NUP210: variants seen among roughly 807,000 people sequenced by gnomAD.
NUP210 encodes nucleoporin 210.
In NUP210, 151 loss-of-function variants were observed where a neutral mutation model predicts 196.0. That is an observed-to-expected ratio of 0.77 (90% CI 0.67 to 0.88). The LOEUF (loss-of-function observed/expected upper bound fraction) is 0.88. Among genes scored for constraint, NUP210 ranks in the 40% least tolerant of loss-of-function variants. The pLI, the probability that NUP210 is intolerant of heterozygous loss-of-function variation, is 0.00. For synonymous variants in NUP210, 1,070 were observed against 1,052.7 expected (o/e 1.02, Z -0.32); for missense variants, 2,314 against 2,493.7 (o/e 0.93, Z 1.53).
intron 14 of NUP210, among the ~76,000 whole-genome samples, chr3:13,365,717 C>T (rs1476844892): frequency 2.0e-5 from 3 of 152,224 alleles, no homozygotes; most frequent in Non-Finnish European, 2.9e-5. Flanking sequence ...GCCTGCCAAG[C>T]GCTGTCTCGC....
rs1698522388 is a variant in NUP210 at position 13,366,075 on chromosome 3, G to A, written c.1803C>T (p.Gly601=). The A allele has an allele frequency of 6.2e-7, 1 of 1,613,886 alleles. No homozygotes were observed. Among genetic ancestry groups the A allele is most frequent in the African/African-American group, 1.3e-5 (1 of 75,060 alleles). The change falls in exon 14 of 40, where the codon GGC becomes GGT. Residue 601 remains glycine (G), a synonymous_variant. Coordinates refer to ENST00000254508, the MANE Select transcript of NUP210 (RefSeq NM_024923.4). ...CCCGGATGCCGCTGCAGTGCTCAGA[G>A]CCTGGCGGCAGCCTCCCTACAGAAA... is the stretch of plus-strand genomic sequence containing the variant. ...FQPLPGRLPP[G]SEHCSGIRVK...
chr3:13,318,317 C>T (rs1399014643), intron 39 of NUP210, among the ~76,000 whole-genome samples: 1 of 152,164 alleles, frequency 6.6e-6, no homozygotes, highest in Non-Finnish European at 1.5e-5. Flanking sequence ...CCCCTGGGTG[C>T]CGCTTTGCAG....
At chr3:13,395,764 C>T (rs1480300406) in intron 3 of NUP210, among the ~76,000 whole-genome samples, 3 of 152,178 alleles carry the variant, frequency 2.0e-5, no homozygotes, top group Non-Finnish European at 2.9e-5. Flanking sequence ...CACATGTGAA[C>T]ATGTGTTTTC....
At chr3:13,318,349 A>C (rs1696359411) in intron 39 of NUP210, among the ~76,000 whole-genome samples, 1 of 152,184 alleles carries the variant, frequency 6.6e-6, no homozygotes, top group Non-Finnish European at 1.5e-5. Flanking sequence ...GTCAGGCAGA[A>C]GACAAGGGCG....
At chr3:13,409,902 T>C (rs1024855797) in intron 1 of NUP210, among the ~76,000 whole-genome samples, 2 of 151,548 alleles carry the variant, frequency 1.3e-5, no homozygotes, top group African/African-American at 4.9e-5. Flanking sequence ...AGTGGTACGA[T>C]CTAGGCTCGC....
At chr3:13,406,918 A>G (rs1323961366) in intron 1 of NUP210, among the ~76,000 whole-genome samples, 1 of 129,338 alleles carries the variant, frequency 7.7e-6, no homozygotes, top group Non-Finnish European at 1.5e-5. Context: ...GGGACCCCTC[A>G]TGTAGTGCAG....
In NUP210 at chr3:13,378,907, C is replaced by T; in HGVS notation, c.1045+5G>A. On this transcript the variant is annotated splice_donor_5th_base_variant and intron_variant, in intron 8 of 39. Transcript: ENST00000254508. Reference sequence around the variant, plus strand: ...TCCATGAGGGCCCAGGAGGCCCACACTCACCTAGGTATCCAGGTTCGACCA... The same window carrying T: ...TCCATGAGGGCCCAGGAGGCCCACATTCACCTAGGTATCCAGGTTCGACCA... 1 of 1,611,186 alleles carries T rather than the reference C, an allele frequency of 6.2e-7. No homozygotes were observed. Among genetic ancestry groups the T allele is most frequent in the Non-Finnish European group, 8.5e-7 (1 of 1,177,322 alleles).
At chr3:13,354,156 T>C (rs1698085626) in intron 16 of NUP210, 49 bp from the exon 17 acceptor site, 3 of 1,499,848 alleles carry the variant, frequency 2.0e-6, no homozygotes, top group Non-Finnish European at 2.7e-6. Context: ...GGACTGGACC[T>C]GGACACTGAC....
In NUP210 at chr3:13,420,266, G is replaced by C; in HGVS notation, c.-40C>G. 1 of 1,045,556 alleles carries C rather than the reference G, an allele frequency of 9.6e-7. No homozygotes were observed. The highest frequency in any genetic ancestry group is 1.1e-6 in the Non-Finnish European group (1 of 869,978). 64.8% of individuals were successfully genotyped at this position (1,045,556 alleles called of 1,614,324 possible). On this transcript the variant is annotated 5_prime_UTR_variant, in exon 1 of 40. Coordinates refer to ENST00000254508, the MANE Select transcript of NUP210 (RefSeq NM_024923.4). The surrounding 1 kb of genome is among the most constrained non-coding windows in gnomAD (Gnocchi z 4.8). Reference sequence around the variant, plus strand: ...ACCTCCCGCGACCCTGCGCCCGGCCGCCCGCGCCGCCCCGTTGCCCTCCGC... The same window carrying C: ...ACCTCCCGCGACCCTGCGCCCGGCCCCCCGCGCCGCCCCGTTGCCCTCCGC...
intron 1 of NUP210, among the ~76,000 whole-genome samples, chr3:13,405,419 T>C (rs1699973290): frequency 6.6e-6 from 1 of 152,180 alleles, no homozygotes; most frequent in Non-Finnish European, 1.5e-5. Flanking sequence ...TCCAGCTGAA[T>C]GCAGCTCTTA....
intron 1 of NUP210, among the ~76,000 whole-genome samples, chr3:13,408,702 C>T (rs560519076): frequency 1.2e-4 from 18 of 150,438 alleles, no homozygotes; most frequent in African/African-American, 3.9e-4. Context: ...GCAGGAGAAT[C>T]GCTTGAACTC....
Position 13,340,591 on chromosome 3 carries a change from T to C in NUP210, c.3229-293A>G, listed in dbSNP as rs1697435661. Among the ~76,000 whole-genome samples the C allele has an allele frequency of 6.6e-6, 1 of 152,216 alleles. No individual in the cohort carries two copies. The highest frequency in any genetic ancestry group is 2.1e-4 in the South Asian group (1 of 4,836). On this transcript the variant is annotated intron_variant, in intron 23 of 39. Coordinates refer to ENST00000254508, the MANE Select transcript of NUP210 (RefSeq NM_024923.4). The surrounding 1 kb of genome is among the most constrained non-coding windows in gnomAD (Gnocchi z 4.0). ...CGTCCCCTTGGAGGGATGGCTTTTA[T>C]GCAGTTGAGCCATCCCCTTAGAGCA...
At position 13,350,692 on chromosome 3, in the gene NUP210, CTT is replaced by C. The variant is rs59291391; in HGVS notation, c.2835+1185_2835+1186del. On this transcript the variant is annotated intron_variant, in intron 20 of 39. Transcript: ENST00000254508. The surrounding 1 kb of genome is among the most constrained non-coding windows in gnomAD (Gnocchi z 4.1). ...AGTTACAGGAAAAAAAATAGAAATT[CTT>C]TTTTTTTTTTTTTTTTTGAGATGGA... 3.1e-4 allele frequency among the ~76,000 whole-genome samples: 41 copies of C among 131,450 alleles called. No homozygotes were observed. The highest frequency in any genetic ancestry group is 3.9e-4 in the African/African-American group (14 of 35,518). The allele number at this position is 131,450 out of a possible 152,430, so 86.2% of individuals were successfully genotyped here.
At chr3:13,339,520 G>A (rs1397997840) in intron 25 of NUP210, among the ~76,000 whole-genome samples, 1 of 152,238 alleles carries the variant, frequency 6.6e-6, no homozygotes, top group Non-Finnish European at 1.5e-5. Flanking sequence ...GGAGATGAAG[G>A]CAAAGTGCTC....
chr3:13,403,337 T>C (rs576515225), intron 1 of NUP210, among the ~76,000 whole-genome samples: 1 of 152,300 alleles, frequency 6.6e-6, no homozygotes, highest in East Asian at 1.9e-4. Context: ...ATGCCTGCTG[T>C]CTTCCCACTG....
rs138571563 is a variant in NUP210 at position 13,330,200 on chromosome 3, C to T, written c.4110+260G>A. Among the ~76,000 whole-genome samples, 41 of 152,336 alleles carry T rather than the reference C, an allele frequency of 2.7e-4. 1 individual carries two copies. The highest frequency in any genetic ancestry group is 7.7e-4 in the African/African-American group (32 of 41,584). On this transcript the variant is annotated intron_variant, in intron 30 of 39. Transcript: ENST00000254508. ...TGCCAGTCCCAGCTCTGTAACCTTA[C>T]GCCAATCATGGACCTTGCTGGGCCT...
At chr3:13,329,348 G>A (rs1245649931) in intron 30 of NUP210, among the ~76,000 whole-genome samples, 1 of 152,188 alleles carries the variant, frequency 6.6e-6, no homozygotes, top group East Asian at 1.9e-4. Flanking sequence ...GCAGGCCACA[G>A]CATGCCCTGC....
Position 13,420,163 on chromosome 3 carries a change from A to T in NUP210, c.64T>A (p.Ser22Thr). ...ATGTTGAGCTTGGCCGCAGCGGCGG[A>T]GGGGCCCGCCGCCAACAGCACCGAC... ...TLSVLLAAGP[S>T]AAAAKLNIPK... The change falls in exon 1 of 40, where the codon TCC (serine) becomes ACC (threonine). Residue 22 changes from serine to threonine, a missense_variant. Ser to Thr is a moderately conservative substitution (Grantham distance 58). Transcript: ENST00000254508. The surrounding 1 kb of genome is among the most constrained non-coding windows in gnomAD (Gnocchi z 4.8). The T allele has an allele frequency of 7.8e-7, 1 of 1,285,366 alleles. No homozygotes were observed. The highest frequency in any genetic ancestry group is 2.1e-5 in the South Asian group (1 of 48,734). 79.6% of individuals were successfully genotyped at this position (1,285,366 alleles called of 1,614,324 possible). A position where few individuals can be genotyped will look rare whatever the true frequency, so the allele number is the denominator to read the frequency against.
Position 13,353,534 on chromosome 3 carries a change from C to A in NUP210, c.2628+20G>T. ...GCCCCGCTACCCATAGCCCACCCACCACTGGGCCCTGGGAGATACCGGCTG... is the reference window on the plus strand; with the variant it reads ...GCCCCGCTACCCATAGCCCACCCACAACTGGGCCCTGGGAGATACCGGCTG... On this transcript the variant is annotated intron_variant, in intron 18 of 39. Transcript: ENST00000254508. 6.3e-7 allele frequency: 1 copy of A among 1,592,170 alleles called. No individual in the cohort carries two copies. Among genetic ancestry groups the A allele is most frequent in the South Asian group, 1.1e-5 (1 of 90,660 alleles).
Sources: gnomAD v4.1 joint callset for allele counts (sites outside exome capture counted in the v4.1 genomes callset) on GRCh38, gnomAD v4.1.1 for gene constraint, Gnocchi (gnomAD v3.1) non-coding constraint, MANE v1.5 for transcripts, NCBI Gene and HGNC (gene_info 2026-07-23, HGNC 2026-07-21) for gene names.